The following SLC8A1 variants were observed in gnomAD, a reference collection of about 807,000 sequenced individuals.
The protein encoded by SLC8A1 is sodium/calcium exchanger 1.
Under a neutral mutation model 68.3 loss-of-function variants are expected in SLC8A1, and 18 were observed. That is an observed-to-expected ratio of 0.26 (90% CI 0.18 to 0.39). The LOEUF is 0.39. SLC8A1 is among the 10% of genes least tolerant of loss of function. The pLI, the probability that SLC8A1 is intolerant of heterozygous loss-of-function variation, is 1.00. For synonymous variants in SLC8A1, 475 were observed against 415.5 expected (o/e 1.14, Z -1.74); for missense variants, 985 against 1,156.7 (o/e 0.85, Z 2.15).
At chr2:40,191,653 C>G (rs1013687059) in intron 2 of SLC8A1, among the ~76,000 whole-genome samples, 1 of 152,256 alleles carries the variant, frequency 6.6e-6, no homozygotes, top group East Asian at 1.9e-4. Context: ...CTGGACCAAA[C>G]AGTGAGAAAG....
chr2:40,389,716 C>A (rs1684685323), intron 2 of SLC8A1, among the ~76,000 whole-genome samples: 1 of 151,604 alleles, frequency 6.6e-6, no homozygotes, highest in Non-Finnish European at 1.5e-5. Context: ...GGGTCTCATA[C>A]CTAGGTGTGG....
chr2:40,159,980 A>C (rs1219117618), intron 6 of SLC8A1, among the ~76,000 whole-genome samples: 1 of 152,154 alleles, frequency 6.6e-6, no homozygotes, highest in East Asian at 1.9e-4. Context: ...AATTCGTTGC[A>C]ACTGTAGAAG....
intron 2 of SLC8A1, among the ~76,000 whole-genome samples, chr2:40,191,005 A>G (rs925087927): frequency 6.6e-5 from 10 of 152,148 alleles, no homozygotes; most frequent in Admixed American, 3.3e-4. Context: ...TTTCTAATTC[A>G]AAAGGGGGTA....
At chr2:40,347,431 G>C (rs1017366436) in intron 2 of SLC8A1, among the ~76,000 whole-genome samples, 4 of 152,218 alleles carry the variant, frequency 2.6e-5, no homozygotes, top group African/African-American at 9.6e-5. Context: ...AGAAAGAAGA[G>C]AATCCAGGCT....
intron 2 of SLC8A1, among the ~76,000 whole-genome samples, chr2:40,373,806 T>C (rs562778242): frequency 1.6e-4 from 24 of 152,186 alleles, no homozygotes; most frequent in African/African-American, 5.1e-4. Context: ...ATTGTATGTA[T>C]CTGCACCCTC....
chr2:40,440,297 T>A (rs1158909063), intron 1 of SLC8A1, among the ~76,000 whole-genome samples: 1 of 152,122 alleles, frequency 6.6e-6, no homozygotes, highest in Non-Finnish European at 1.5e-5. Context: ...TAGATGTGAA[T>A]TTATCTATCA....
At chr2:40,472,734 A>G (rs1173492160) in intron 1 of SLC8A1, among the ~76,000 whole-genome samples, 1 of 152,186 alleles carries the variant, frequency 6.6e-6, no homozygotes, top group Non-Finnish European at 1.5e-5. Context: ...ATTAATAAAC[A>G]TAATAAAACT....
intron 1 of SLC8A1, among the ~76,000 whole-genome samples, chr2:40,471,908 C>A (rs909635535): frequency 2.0e-5 from 3 of 152,142 alleles, no homozygotes; most frequent in Non-Finnish European, 4.4e-5. Context: ...AAAATATGTT[C>A]ATCCAGCTAC....
intron 2 of SLC8A1, among the ~76,000 whole-genome samples, chr2:40,194,669 C>T (rs2052608251): frequency 6.6e-6 from 1 of 152,020 alleles, no homozygotes; most frequent in South Asian, 2.1e-4. Flanking sequence ...ACCAGTTCCT[C>T]GCCCTTCTTT....
intron 2 of SLC8A1, among the ~76,000 whole-genome samples, chr2:40,383,353 T>G (rs1482730978): frequency 6.6e-6 from 1 of 152,086 alleles, no homozygotes; most frequent in Non-Finnish European, 1.5e-5. Context: ...ACATTATATT[T>G]TAGAATTGCT....
At chr2:40,489,586 G>A (rs1255871935) in intron 1 of SLC8A1, among the ~76,000 whole-genome samples, 2 of 152,188 alleles carry the variant, frequency 1.3e-5, no homozygotes, top group East Asian at 3.9e-4. Context: ...ACTATTAGAA[G>A]GGGAGTAGAG....
intron 1 of SLC8A1, among the ~76,000 whole-genome samples, chr2:40,482,551 C>G (rs540471384): frequency 6.6e-6 from 1 of 152,018 alleles, no homozygotes; most frequent in South Asian, 2.1e-4. Flanking sequence ...ACAATTCATC[C>G]CTGTTATTAT....
At chr2:40,287,507 A>G (rs1193014325) in intron 2 of SLC8A1, among the ~76,000 whole-genome samples, 2 of 151,956 alleles carry the variant, frequency 1.3e-5, no homozygotes, top group Non-Finnish European at 2.9e-5. Flanking sequence ...GGGATGCCAG[A>G]CATACACCTG....
At chr2:40,330,089 T>G (rs1356334982) in intron 2 of SLC8A1, among the ~76,000 whole-genome samples, 1 of 152,240 alleles carries the variant, frequency 6.6e-6, no homozygotes. Context: ...GATGCATATC[T>G]TAATAAAAAT....
chr2:40,349,140 A>C (rs1198771242), intron 2 of SLC8A1, among the ~76,000 whole-genome samples: 1 of 152,196 alleles, frequency 6.6e-6, no homozygotes, highest in African/African-American at 2.4e-5. Context: ...AAATGAAGGA[A>C]AATTAAGAGT....
chr2:40,233,532 C>G (rs1235677261), intron 2 of SLC8A1, among the ~76,000 whole-genome samples: 1 of 140,686 alleles, frequency 7.1e-6, no homozygotes. Context: ...AAAATTTTCT[C>G]CCATTCTGTA....
chr2:40,348,099 T>G (rs1418378771), intron 2 of SLC8A1, among the ~76,000 whole-genome samples: 1 of 152,136 alleles, frequency 6.6e-6, no homozygotes. Context: ...TTCTTAATTT[T>G]TACATGGGCT....
intron 2 of SLC8A1, among the ~76,000 whole-genome samples, chr2:40,348,918 A>G (rs933652510): frequency 2.0e-5 from 3 of 152,154 alleles, no homozygotes; most frequent in African/African-American, 4.8e-5. Flanking sequence ...TGAAGAGAAA[A>G]ATGACTCAGA....
chr2:40,212,088 A>C (rs2056681682), intron 2 of SLC8A1, among the ~76,000 whole-genome samples: 2 of 152,082 alleles, frequency 1.3e-5, no homozygotes, highest in African/African-American at 4.8e-5. Context: ...AAAATCCATA[A>C]AGATTTTATG....
Sources: allele counts gnomAD v4.1 joint callset (sites outside exome capture counted in the v4.1 genomes callset), GRCh38; gene constraint gnomAD v4.1.1; transcripts MANE v1.5; gene names NCBI Gene and HGNC (gene_info 2026-07-23, HGNC 2026-07-21).